SLC12A7: variants seen among roughly 807,000 people sequenced by gnomAD.
SLC12A7 encodes the protein K-Cl cotransporter 4.
SLC12A7 carries 100 observed loss-of-function variants against 120.6 expected under a neutral mutation model. That is an observed-to-expected ratio of 0.83 (90% CI 0.71 to 0.98). SLC12A7 has a LOEUF of 0.98. Ranked by LOEUF, SLC12A7 falls within the 50% of genes least tolerant of loss-of-function variation. The probability of loss-of-function intolerance (pLI) is 0.00; values close to 1 mark genes in which losing one functional copy is unlikely to be tolerated. For missense variants in SLC12A7, 1,373 were observed against 1,548.1 expected (o/e 0.89, Z 1.90); for synonymous variants, 760 against 678.0 (o/e 1.12, Z -1.88).
the SLC12A7 span, among the ~76,000 whole-genome samples, chr5:1,142,403 TTC>T: frequency 2.0e-5 from 1 of 50,186 alleles, no homozygotes; most frequent in African/African-American, 1.1e-4. Context: ...CTTCTCCCCT[TTC>T]CCCTCTCCCC....
In SLC12A7 at chr5:1,050,420, G is replaced by A. The variant is rs1734923138; in HGVS notation, c.*1940C>T. 6.4e-6 allele frequency: 1 copy of A among 156,402 alleles called. No individual in the cohort carries two copies. The highest frequency in any genetic ancestry group is 6.5e-5 in the Admixed American group (1 of 15,310). 9.7% of individuals were successfully genotyped at this position (156,402 alleles called of 1,614,324 possible). On this transcript the variant is annotated 3_prime_UTR_variant, in exon 24 of 24. Coordinates refer to ENST00000264930, the MANE Select transcript of SLC12A7 (RefSeq NM_006598.3). ...AGGATTTTATTTTTCTACTAACACA[G>A]ACAGACAGGGAAACCTACAAAAGGA...
At chr5:1,128,801 C>T in the SLC12A7 span, among the ~76,000 whole-genome samples, 5 of 152,256 alleles carry the variant, frequency 3.3e-5, no homozygotes, top group Admixed American at 6.5e-5. Flanking sequence ...GGTCTCTACA[C>T]GGCTTCCAGC....
intron 22 of SLC12A7, among the ~76,000 whole-genome samples, chr5:1,055,359 G>A (rs986672357): frequency 3.3e-4 from 50 of 152,330 alleles, no homozygotes; most frequent in African/African-American, 1.1e-3. Flanking sequence ...CGGCAGGTGC[G>A]CTGACAGGTA....
At chr5:1,063,996 G>C in intron 19 of SLC12A7, 21 bp from the exon 20 acceptor site, 1 of 1,610,856 alleles carries the variant, frequency 6.2e-7, no homozygotes, top group Non-Finnish European at 8.5e-7. Flanking sequence ...GGAGGGCATG[G>C]CTGTGGGGCC....
intron 17 of SLC12A7, among the ~76,000 whole-genome samples, chr5:1,069,837 C>A (rs1452445074): frequency 6.6e-6 from 1 of 152,142 alleles, no homozygotes; most frequent in African/African-American, 2.4e-5. Context: ...AATGAAGACA[C>A]AAAGTCTCAG....
chr5:1,119,538 G>A, the SLC12A7 span, among the ~76,000 whole-genome samples: 2 of 152,244 alleles, frequency 1.3e-5, no homozygotes, highest in Non-Finnish European at 2.9e-5. Context: ...GTGTGCGGCC[G>A]GCTCGCCGCC....
intron 6 of SLC12A7, 70 bp downstream of exon 6, chr5:1,086,833 G>A: frequency 1.3e-6 from 2 of 1,576,660 alleles, no homozygotes; most frequent in Non-Finnish European, 1.7e-6. Context: ...CACAGAGTGG[G>A]TCAGGCAGGG....
At chr5:1,154,274 C>T in the SLC12A7 span, among the ~76,000 whole-genome samples, 1 of 151,536 alleles carries the variant, frequency 6.6e-6, no homozygotes, top group African/African-American at 2.4e-5. Flanking sequence ...GGCACTGAGC[C>T]GAATCCAACT....
At chr5:1,095,479 T>G (rs1390855006) in intron 1 of SLC12A7, among the ~76,000 whole-genome samples, 1 of 152,232 alleles carries the variant, frequency 6.6e-6, no homozygotes, top group Non-Finnish European at 1.5e-5. Flanking sequence ...CCCCATGTGC[T>G]GCACACCAGC....
chr5:1,084,320 C>T (rs1360487362), intron 7 of SLC12A7, among the ~76,000 whole-genome samples: 4 of 152,210 alleles, frequency 2.6e-5, no homozygotes, highest in East Asian at 1.9e-4. Flanking sequence ...CGTTTTCCAC[C>T]GCGCGGTGCC....
At position 1,069,457 on chromosome 5, in the gene SLC12A7, G is replaced by A. The variant is rs1737411746; in HGVS notation, c.2242-3979C>T. On this transcript the variant is annotated intron_variant, in intron 17 of 23. Transcript: ENST00000264930. ...GACACACCCACAAGGTCCCAGTGGGGGCCTGGCAGCAGGGAGCTGGCTCCC... is the reference window on the plus strand; with the variant it reads ...GACACACCCACAAGGTCCCAGTGGGAGCCTGGCAGCAGGGAGCTGGCTCCC... 3.9e-5 allele frequency among the ~76,000 whole-genome samples: 6 copies of A among 152,348 alleles called. No homozygotes were observed. In the South Asian group the frequency reaches 1.0e-3, roughly 26 times the overall value.
intron 21 of SLC12A7, among the ~76,000 whole-genome samples, chr5:1,059,927 G>C (rs947364696): frequency 1.3e-5 from 2 of 152,234 alleles, no homozygotes; most frequent in Non-Finnish European, 2.9e-5. Flanking sequence ...AGCAGCCATC[G>C]TAAGCAGCTG....
chr5:1,115,909 G>A (rs1743302702), upstream of SLC12A7, among the ~76,000 whole-genome samples: 1 of 140,774 alleles, frequency 7.1e-6, no homozygotes, highest in East Asian at 2.0e-4. Flanking sequence ...AGTTACCCAA[G>A]GCTAAAGTGA....
At chr5:1,061,021 C>T (rs1736146516) in intron 20 of SLC12A7, among the ~76,000 whole-genome samples, 3 of 148,914 alleles carry the variant, frequency 2.0e-5, no homozygotes, top group South Asian at 4.3e-4. Flanking sequence ...GAGTCTCACC[C>T]GCCGCACCCG....
At chr5:1,053,992 A>G (rs1735331182) in intron 22 of SLC12A7, among the ~76,000 whole-genome samples, 1 of 152,234 alleles carries the variant, frequency 6.6e-6, no homozygotes, top group Non-Finnish European at 1.5e-5. Flanking sequence ...ACTGGGTCCA[A>G]GGGGCCGGAA....
the SLC12A7 span, among the ~76,000 whole-genome samples, chr5:1,146,772 A>T: frequency 0.71 from 108,186 of 152,120 alleles, 38,804 homozygotes; most frequent in African/African-American, 0.79. The surrounding 1 kb of genome is among the most constrained non-coding windows in gnomAD (Gnocchi z 6.5). Flanking sequence ...AACCCAGACA[A>T]TCCTTTCTAT....
At chr5:1,089,587 A>C (rs1397319195) in intron 3 of SLC12A7, among the ~76,000 whole-genome samples, 1 of 151,770 alleles carries the variant, frequency 6.6e-6, no homozygotes, top group Non-Finnish European at 1.5e-5. Flanking sequence ...AAAAAAAAAA[A>C]AAAATCCACA....
chr5:1,122,979 T>G, the SLC12A7 span, among the ~76,000 whole-genome samples: 1 of 152,228 alleles, frequency 6.6e-6, no homozygotes, highest in African/African-American at 2.4e-5. Context: ...CCTGGCTGCC[T>G]GGGGGCGCGG....
At chr5:1,115,694 C>A (rs1743288370), upstream of SLC12A7, among the ~76,000 whole-genome samples, 1 of 152,078 alleles carries the variant, frequency 6.6e-6, no homozygotes, top group Non-Finnish European at 1.5e-5. Flanking sequence ...GGAGGCCCCA[C>A]ACTCCTTCTC....
Sources: allele counts gnomAD v4.1 joint callset (sites outside exome capture counted in the v4.1 genomes callset), GRCh38; gene constraint gnomAD v4.1.1; non-coding constraint Gnocchi (gnomAD v3.1); transcripts MANE v1.5; gene names NCBI Gene and HGNC (gene_info 2026-07-23, HGNC 2026-07-21).